The following SPRY3 variants were observed in gnomAD, a reference collection of about 807,000 sequenced individuals.
SPRY3 encodes the protein sprouty RTK signaling antagonist 3.
In SPRY3, 15 loss-of-function variants were observed where a neutral mutation model predicts 20.2. That is an observed-to-expected ratio of 0.74 (90% CI 0.50 to 1.14). SPRY3 has a LOEUF of 1.14. SPRY3 is among the 50% of genes most tolerant of loss of function. The probability of loss-of-function intolerance (pLI) is 0.00; values close to 1 mark genes in which losing one functional copy is unlikely to be tolerated. For missense variants in SPRY3, 364 were observed against 363.9 expected, an observed-to-expected ratio of 1.00 and a Z score of 0.00; for synonymous variants, 143 against 136.5, an observed-to-expected ratio of 1.05 and a Z score of -0.33.
intron 2 of SPRY3, among the ~76,000 whole-genome samples, chrX:155,767,530 G>C (rs953597011): frequency 9.9e-5 from 15 of 151,616 alleles, no homozygotes; most frequent in Admixed American, 3.3e-4. Context: ...GGGAGACCAA[G>C]GTGGAGGCGG....
chrX:155,774,928 A>G (rs956175113), exon 4 of SPRY3: 2 of 658,278 alleles, frequency 3.0e-6, no homozygotes, highest in Non-Finnish European at 5.3e-6. Context: ...CACAGTATCT[A>G]TCCCACTCCT....
chrX:155,700,854 T>C (rs1373590682), intron 2 of SPRY3, among the ~76,000 whole-genome samples: 1 of 45,092 alleles, frequency 2.2e-5, no homozygotes, highest in Non-Finnish European at 3.5e-5. Flanking sequence ...TGAGTGAGAA[T>C]ATGCGGTGTT....
chrX:155,750,204 C>CACAGA (rs1200530634), intron 2 of SPRY3, among the ~76,000 whole-genome samples: 1 of 151,902 alleles, frequency 6.6e-6, no homozygotes, highest in African/African-American at 2.4e-5. Flanking sequence ...CACATGTTCT[C>CACAGA]ACTTACAAGT....
chrX:155,651,398 G>A (rs2067977105), intron 1 of SPRY3, among the ~76,000 whole-genome samples: 1 of 111,584 alleles, frequency 9.0e-6, no homozygotes, highest in African/African-American at 3.3e-5. Flanking sequence ...AGGTTTATAG[G>A]GGTATCTCAT....
intron 2 of SPRY3, among the ~76,000 whole-genome samples, chrX:155,687,325 G>T (rs145742782): frequency 2.4e-3 from 267 of 112,728 alleles, no homozygotes; most frequent in African/African-American, 8.3e-3. Flanking sequence ...TGACATGCTT[G>T]CTTTCCTTTC....
At chrX:155,656,508 A>G (rs1370250658) in intron 1 of SPRY3, among the ~76,000 whole-genome samples, 1 of 110,788 alleles carries the variant, frequency 9.0e-6, no homozygotes, top group African/African-American at 3.3e-5. Context: ...CCTTTTGTCA[A>G]CGTTCTTAGC....
At chrX:155,697,828 AT>A (rs1228587331) in intron 2 of SPRY3, among the ~76,000 whole-genome samples, 10 of 110,572 alleles carry the variant, frequency 9.0e-5, no homozygotes, top group Admixed American at 7.8e-4. Context: ...CCCTAGGGAA[AT>A]TCCATTATGA....
At chrX:155,634,899 A>G (rs1347649089) in intron 1 of SPRY3, among the ~76,000 whole-genome samples, 2 of 107,670 alleles carry the variant, frequency 1.9e-5, no homozygotes, top group Non-Finnish European at 3.8e-5. Context: ...GTATATGTAT[A>G]AAGTATATAA....
At chrX:155,720,926 C>T (rs1468719365) in intron 2 of SPRY3, among the ~76,000 whole-genome samples, 2 of 152,090 alleles carry the variant, frequency 1.3e-5, no homozygotes, top group African/African-American at 4.8e-5. Context: ...AACATGGCCT[C>T]ACTAAATGAG....
At chrX:155,743,232 C>G (rs1468296144) in intron 2 of SPRY3, among the ~76,000 whole-genome samples, 1 of 151,960 alleles carries the variant, frequency 6.6e-6, no homozygotes, top group Non-Finnish European at 1.5e-5. Flanking sequence ...ATGGATAAAT[C>G]CCTGGACACA....
At chrX:155,632,665 G>A (rs1168893629) in intron 1 of SPRY3, among the ~76,000 whole-genome samples, 8 of 112,253 alleles carry the variant, frequency 7.1e-5, no homozygotes, top group African/African-American at 9.7e-5. Flanking sequence ...CTCTTGAGGC[G>A]TGAGCTCAAA....
At chrX:155,684,304 A>G (rs1296212463) in intron 2 of SPRY3, among the ~76,000 whole-genome samples, 1 of 111,307 alleles carries the variant, frequency 9.0e-6, no homozygotes, top group Non-Finnish European at 1.9e-5. Flanking sequence ...AAGAAATCAG[A>G]GAAGGCCAAG....
chrX:155,657,751 G>A (rs950488785), intron 2 of SPRY3, among the ~76,000 whole-genome samples: 2 of 112,226 alleles, frequency 1.8e-5, no homozygotes, highest in Admixed American at 9.4e-5. Flanking sequence ...TGGTGGTGTA[G>A]GCACATGAGG....
intron 2 of SPRY3, among the ~76,000 whole-genome samples, chrX:155,765,170 A>C (rs889813188): frequency 9.2e-5 from 14 of 152,192 alleles, no homozygotes; most frequent in African/African-American, 3.4e-4. Context: ...GGAGAGACAC[A>C]AATATTCAGA....
exon 4 of SPRY3, chrX:155,774,058 C>G (rs766566649): frequency 6.2e-7 from 1 of 1,613,842 alleles, no homozygotes; most frequent in Admixed American, 1.7e-5. Context: ...TACTTCTCTC[C>G]CCCGCAGTCT....
At chrX:155,740,171 C>A (rs1454084856) in intron 2 of SPRY3, among the ~76,000 whole-genome samples, 1 of 152,130 alleles carries the variant, frequency 6.6e-6, no homozygotes, top group Non-Finnish European at 1.5e-5. Flanking sequence ...TCTCTTAATC[C>A]TATTATCTTC....
At chrX:155,654,111 T>G (rs2067984932) in intron 1 of SPRY3, among the ~76,000 whole-genome samples, 1 of 112,080 alleles carries the variant, frequency 8.9e-6, no homozygotes, top group African/African-American at 3.2e-5. Flanking sequence ...TCCCTCAGTT[T>G]AGATTAATTT....
intron 2 of SPRY3, among the ~76,000 whole-genome samples, chrX:155,726,308 G>A (rs1327721772): frequency 6.6e-6 from 1 of 152,182 alleles, no homozygotes; most frequent in Non-Finnish European, 1.5e-5. Flanking sequence ...GATTTGGGGT[G>A]CAGAGTTCTG....
intron 2 of SPRY3, among the ~76,000 whole-genome samples, chrX:155,757,355 C>T (rs1373941262): frequency 6.6e-6 from 1 of 152,174 alleles, no homozygotes; most frequent in Non-Finnish European, 1.5e-5. Flanking sequence ...GGATGGCTTG[C>T]TCCCTCACTT....
Sources: gnomAD v4.1 joint callset for allele counts (sites outside exome capture counted in the v4.1 genomes callset) on GRCh38, gnomAD v4.1.1 for gene constraint, MANE v1.5 for transcripts, NCBI Gene and HGNC (gene_info 2026-07-23, HGNC 2026-07-21) for gene names.